The following FAM107B variants were observed in gnomAD, a reference collection of about 807,000 sequenced individuals.
FAM107B encodes family with sequence similarity 107 member B, also known as protein FAM107B.
FAM107B carries 21 observed loss-of-function variants against 31.5 expected under a neutral mutation model. That is an observed-to-expected ratio of 0.67 (90% CI 0.47 to 0.96). The LOEUF is 0.96. Ranked by LOEUF, FAM107B falls within the 40% of genes least tolerant of loss-of-function variation. The pLI is 0.00. For synonymous variants in FAM107B, 157 were observed against 141.5 expected, an observed-to-expected ratio of 1.11 and a Z score of -0.78; for missense variants, 452 against 377.1, an observed-to-expected ratio of 1.20 and a Z score of -1.64.
chr10:14,604,745 C>G (rs765652354), intron 2 of FAM107B, among the ~76,000 whole-genome samples: 2 of 147,322 alleles, frequency 1.4e-5, no homozygotes, highest in Non-Finnish European at 3.0e-5. Flanking sequence ...TTCCCTCGCT[C>G]TCTCCCTCTA....
chr10:14,540,121 A>C (rs1027138758), intron 2 of FAM107B, among the ~76,000 whole-genome samples: 5 of 152,204 alleles, frequency 3.3e-5, no homozygotes, highest in African/African-American at 1.2e-4. Flanking sequence ...ATGTTTATCA[A>C]CCAAAGAGGT....
chr10:14,636,600 C>T (rs1170543154), intron 2 of FAM107B, among the ~76,000 whole-genome samples: 2 of 152,088 alleles, frequency 1.3e-5, no homozygotes, highest in African/African-American at 2.4e-5. Flanking sequence ...ACTCTAACAG[C>T]CTGATTTTAA....
intron 1 of FAM107B, among the ~76,000 whole-genome samples, chr10:14,770,382 G>T (rs1833273718): frequency 6.6e-6 from 1 of 152,022 alleles, no homozygotes; most frequent in Non-Finnish European, 1.5e-5. Context: ...AATTAGCCAG[G>T]CGTGGTGGCT....
chr10:14,648,281 C>T (rs190891520), intron 2 of FAM107B, among the ~76,000 whole-genome samples: 87 of 152,244 alleles, frequency 5.7e-4, no homozygotes, highest in Admixed American at 4.4e-3. Context: ...GTCGAACTGA[C>T]CAGCCCTAAT....
chr10:14,551,040 C>T (rs1849214563), intron 2 of FAM107B, among the ~76,000 whole-genome samples: 1 of 152,172 alleles, frequency 6.6e-6, no homozygotes, highest in South Asian at 2.1e-4. Flanking sequence ...GATAGTTTTA[C>T]CTCCTTAAAT....
intron 1 of FAM107B, among the ~76,000 whole-genome samples, chr10:14,773,908 AG>A (rs146892318): frequency 0.012 from 1,807 of 152,076 alleles, 34 homozygotes; most frequent in African/African-American, 0.032. Context: ...GTGGGGGTGG[AG>A]GGGGAAATAG....
intron 2 of FAM107B, among the ~76,000 whole-genome samples, chr10:14,562,650 G>A (rs940380548): frequency 7.9e-5 from 12 of 152,272 alleles, no homozygotes; most frequent in Middle Eastern, 6.8e-3. Context: ...ACAATACCAC[G>A]TCAGCCACAT....
chr10:14,662,452 T>C lies in FAM107B; in HGVS notation c.469+5182A>G, dbSNP rs939384888. On this transcript the variant is annotated intron_variant, in intron 2 of 4. Transcript: ENST00000181796. ...AGTGCAGTGGCACAATCATGGCTCA[T>C]TGCAGCTTCGACCACCTGGGCTCAA... 1.4e-4 allele frequency among the ~76,000 whole-genome samples: 21 copies of C among 150,804 alleles called. No individual in the cohort carries two copies. The East Asian group carries it at 2.2e-3, about 16-fold the overall frequency.
rs181383227 is a variant in FAM107B, at chr10:14,546,013, T to C, written c.470-15498A>G. On this transcript the variant is annotated intron_variant, in intron 2 of 4. Coordinates refer to ENST00000181796, the MANE Select transcript of FAM107B (RefSeq NM_031453.4). Reference sequence around the variant, plus strand: ...TCAAAGCCCTCAAACATTCCTGTCTTCAAGAGCTGACTAATAATTCCGTAA... The same window carrying C: ...TCAAAGCCCTCAAACATTCCTGTCTCCAAGAGCTGACTAATAATTCCGTAA... 3.8e-3 allele frequency among the ~76,000 whole-genome samples: 581 copies of C among 152,366 alleles called. 1 individual carries two copies. Among genetic ancestry groups the C allele is most frequent in the Non-Finnish European group, 5.4e-3 (368 of 68,036 alleles).
At chr10:14,623,159 T>G (rs1038447000) in intron 2 of FAM107B, among the ~76,000 whole-genome samples, 2 of 152,252 alleles carry the variant, frequency 1.3e-5, no homozygotes, top group African/African-American at 2.4e-5. Context: ...TGTTCATCTT[T>G]TGTTGATTTA....
chr10:14,608,487 C>T (rs1246083080), intron 2 of FAM107B, among the ~76,000 whole-genome samples: 1 of 152,204 alleles, frequency 6.6e-6, no homozygotes, highest in Non-Finnish European at 1.5e-5. Flanking sequence ...ATTAGCTTGG[C>T]TCTGTCATGT....
intron 2 of FAM107B, among the ~76,000 whole-genome samples, chr10:14,620,017 C>CTTTTTTTTTT (rs71388190): frequency 1.2e-5 from 1 of 83,878 alleles, no homozygotes; most frequent in Non-Finnish European, 2.4e-5. Flanking sequence ...TTCTTTCTTT[C>CTTTTTTTTTT]TTTTTTTTTT....
At chr10:14,633,162 G>A (rs1052283733) in intron 2 of FAM107B, among the ~76,000 whole-genome samples, 12 of 149,608 alleles carry the variant, frequency 8.0e-5, no homozygotes, top group African/African-American at 2.7e-4. Context: ...CTGTGCCACT[G>A]CACTCCAGCC....
intron 1 of FAM107B, among the ~76,000 whole-genome samples, chr10:14,746,564 G>C (rs1448349764): frequency 6.6e-6 from 1 of 152,172 alleles, no homozygotes; most frequent in African/African-American, 2.4e-5. Flanking sequence ...GCTTAGTTTG[G>C]CCAGATATAA....
intron 1 of FAM107B, among the ~76,000 whole-genome samples, chr10:14,768,226 T>A (rs146019347): frequency 5.4e-4 from 82 of 152,292 alleles, no homozygotes; most frequent in African/African-American, 1.8e-3. Flanking sequence ...ACTGCTCAAA[T>A]ATATCTATAT....
chr10:14,630,974 T>A (rs1200391772), intron 2 of FAM107B, among the ~76,000 whole-genome samples: 1 of 152,162 alleles, frequency 6.6e-6, no homozygotes, highest in Non-Finnish European at 1.5e-5. Context: ...TTGAAATGGT[T>A]TACCTAATGG....
chr10:14,611,970 T>C (rs1207889630), intron 2 of FAM107B, among the ~76,000 whole-genome samples: 2 of 152,160 alleles, frequency 1.3e-5, no homozygotes, highest in Admixed American at 1.3e-4. Context: ...TATGTGTATG[T>C]GTGTGTATGT....
intron 2 of FAM107B, among the ~76,000 whole-genome samples, chr10:14,532,007 T>C (rs750703191): frequency 9.9e-5 from 15 of 152,244 alleles, no homozygotes; most frequent in Non-Finnish European, 2.1e-4. Context: ...TTTTAGTGCT[T>C]GTTGTTTCAC....
Position 14,521,390 on chromosome 10 carries a change from C to T in FAM107B, c.805-84G>A. 2.8e-6 allele frequency: 3 copies of T among 1,088,730 alleles called. No individual in the cohort carries two copies. In the East Asian group the frequency reaches 7.1e-5, roughly 26 times the overall value. 67.4% of individuals were successfully genotyped at this position (1,088,730 alleles called of 1,614,324 possible). ...TCTTCTCTCTTTTCAAAGTCCCTGA[C>T]AACTTTACTTCCCCACAGAATAAAT... On this transcript the variant is annotated intron_variant, in intron 4 of 4. Coordinates refer to ENST00000181796, the MANE Select transcript of FAM107B (RefSeq NM_031453.4).
Sources: gnomAD v4.1 joint callset for allele counts (sites outside exome capture counted in the v4.1 genomes callset) on GRCh38, gnomAD v4.1.1 for gene constraint, MANE v1.5 for transcripts, NCBI Gene and HGNC (gene_info 2026-07-23, HGNC 2026-07-21) for gene names.